Variants in GABRR2 observed in about 807,000 individuals in gnomAD.
GABRR2 encodes gamma-aminobutyric acid receptor subunit rho-2.
Under a neutral mutation model 47.0 loss-of-function variants are expected in GABRR2, and 36 were observed. That is an observed-to-expected ratio of 0.77 (90% CI 0.59 to 1.01). GABRR2 has a LOEUF of 1.01. GABRR2 is among the 50% of genes least tolerant of loss of function. The pLI is 0.00. For missense variants in GABRR2, 587 were observed against 594.6 expected (o/e 0.99, Z 0.13); for synonymous variants, 204 against 227.5 (o/e 0.90, Z 0.93).
intron 2 of GABRR2, among the ~76,000 whole-genome samples, chr6:89,296,038 T>G (rs1774547276): frequency 1.3e-5 from 2 of 152,226 alleles, no homozygotes; most frequent in African/African-American, 4.8e-5. Context: ...GCCCAGGCTC[T>G]ACTTCTAACT....
At chr6:89,289,045 A>G (rs1000136585) in intron 2 of GABRR2, among the ~76,000 whole-genome samples, 1 of 152,252 alleles carries the variant, frequency 6.6e-6, no homozygotes, top group Non-Finnish European at 1.5e-5. Context: ...TACTGAGTTC[A>G]AAACAGCCGA....
At chr6:89,281,536 TC>T (rs1774254872) in intron 2 of GABRR2, among the ~76,000 whole-genome samples, 1 of 151,882 alleles carries the variant, frequency 6.6e-6, no homozygotes, top group Admixed American at 6.6e-5. Flanking sequence ...AGTAGATCAT[TC>T]CCCCACACTT....
intron 1 of GABRR2, chr6:89,301,808 C>A: frequency 1.1e-6 from 1 of 893,474 alleles, no homozygotes. Context: ...CACATTCAGG[C>A]CGGCCAGTGC....
Position 89,257,969 on chromosome 6 carries a change from A to C in GABRR2, c.1099T>G (p.Cys367Gly). Residue 367 changes from cysteine to glycine, a missense_variant, in exon 9 of 9, where the codon TGT (cysteine) becomes GGT (glycine). Cys to Gly is a radical substitution (Grantham distance 159). Coordinates refer to ENST00000402938, the MANE Select transcript of GABRR2 (RefSeq NM_002043.5). Reference sequence around the variant, plus strand: ...ATGGTTTTTGAATGAAGCATTCCACACATGCACGGGAACTATGGGCAGCAA... The same window carrying C: ...ATGGTTTTTGAATGAAGCATTCCACCCATGCACGGGAACTATGGGCAGCAA... Reference protein sequence around the residue: ...RKLREKFPCMCGMLHSKTMML... With the variant: ...RKLREKFPCMGGMLHSKTMML... 6.2e-7 allele frequency: 1 copy of C among 1,613,354 alleles called. No homozygotes were observed. The highest frequency in any genetic ancestry group is 2.2e-5 in the East Asian group (1 of 44,882).
intron 1 of GABRR2, chr6:89,301,902 G>C: frequency 9.1e-7 from 1 of 1,099,058 alleles, no homozygotes; most frequent in East Asian, 2.4e-5. Flanking sequence ...TGGGGAACTC[G>C]GACTTGGAGC....
intron 2 of GABRR2, among the ~76,000 whole-genome samples, chr6:89,273,787 G>C (rs893188268): frequency 6.6e-6 from 1 of 152,200 alleles, no homozygotes; most frequent in African/African-American, 2.4e-5. Context: ...AGTCTGAGGT[G>C]TTAAAATGGC....
In GABRR2 at chr6:89,315,139, C is replaced by T. The variant is rs758101027; in HGVS notation, c.27G>A (p.Leu9=). The T allele has an allele frequency of 3.7e-6, 6 of 1,613,874 alleles. No homozygotes were observed. Among genetic ancestry groups the T allele is most frequent in the Non-Finnish European group, 4.2e-6 (5 of 1,179,846 alleles). MPYFTRLI[L]FLFCLMVLVE... is the part of the protein sequence containing the mutation. ...CGAGAACCATCAAGCAAAACAAGAA[C>T]AAAATGAGTCTTGTAAAATAAGGCA... is the stretch of plus-strand genomic sequence containing the variant. Residue 9 remains leucine (L), a synonymous_variant, in exon 1 of 9, where the codon TTG becomes TTA. Coordinates refer to ENST00000402938, the MANE Select transcript of GABRR2 (RefSeq NM_002043.5).
At chr6:89,270,196 C>T (rs961568398) in intron 3 of GABRR2, among the ~76,000 whole-genome samples, 3 of 152,214 alleles carry the variant, frequency 2.0e-5, no homozygotes, top group Non-Finnish European at 4.4e-5. Context: ...AGCCAAATGC[C>T]CCTTCTGGCT....
chr6:89,267,816 G>C lies in GABRR2; in HGVS notation c.599C>G (p.Ala200Gly). Residue 200 changes from alanine to glycine, a missense_variant, in exon 6 of 9, where the codon GCC becomes GGC. Coordinates refer to ENST00000402938, the MANE Select transcript of GABRR2 (RefSeq NM_002043.5). ...QTCSLELESY[A>G]YTDEDLMLYW... ...CAGCATTAGATCTTCATCTGTATAGGCATCTTTGGGAAGAGGAAAACAAGT... is the reference window on the plus strand; with the variant it reads ...CAGCATTAGATCTTCATCTGTATAGCCATCTTTGGGAAGAGGAAAACAAGT... The C allele has an allele frequency of 6.2e-7, 1 of 1,610,204 alleles. No individual in the cohort carries two copies. Among genetic ancestry groups the C allele is most frequent in the Non-Finnish European group, 8.5e-7 (1 of 1,178,090 alleles).
At chr6:89,285,475 G>A (rs1774318575) in intron 2 of GABRR2, among the ~76,000 whole-genome samples, 1 of 152,170 alleles carries the variant, frequency 6.6e-6, no homozygotes, top group Admixed American at 6.5e-5. Flanking sequence ...GTGAGCATGC[G>A]ATTGCGGGTG....
intron 1 of GABRR2, among the ~76,000 whole-genome samples, chr6:89,307,017 T>C (rs986282567): frequency 2.6e-5 from 4 of 152,230 alleles, no homozygotes; most frequent in Non-Finnish European, 5.9e-5. Flanking sequence ...CTCTGTCCAT[T>C]GCACTTAGCA....
At chr6:89,309,767 T>G (rs921300594) in intron 1 of GABRR2, among the ~76,000 whole-genome samples, 2 of 151,116 alleles carry the variant, frequency 1.3e-5, no homozygotes, top group African/African-American at 4.9e-5. Context: ...CACCCATGCT[T>G]CTTCTTCTTC....
At chr6:89,295,633 T>G (rs1242470407) in intron 2 of GABRR2, among the ~76,000 whole-genome samples, 1 of 152,166 alleles carries the variant, frequency 6.6e-6, no homozygotes, top group Non-Finnish European at 1.5e-5. Flanking sequence ...TTAGTTTAAT[T>G]AGATCCCATT....
Position 89,267,695 on chromosome 6 carries a change from G to C in GABRR2, c.720C>G (p.Ala240=). 1 of 1,613,542 alleles carries C rather than the reference G, an allele frequency of 6.2e-7. No individual in the cohort carries two copies. Among genetic ancestry groups the C allele is most frequent in the South Asian group, 1.1e-5 (1 of 90,954 alleles). The part of the protein sequence containing the change: ...IQKFHTTSRL[A]FYSSTGWYNR... ...GATAGCTACCAGTGCTGCTGTAGAAGGCCAGCCTGGAAGTTGTGTGAAATT... is the reference window on the plus strand; with the variant it reads ...GATAGCTACCAGTGCTGCTGTAGAACGCCAGCCTGGAAGTTGTGTGAAATT... The change falls in exon 6 of 9, where the codon GCC becomes GCG. Residue 240 remains alanine, a synonymous_variant. Transcript: ENST00000402938.
intron 2 of GABRR2, among the ~76,000 whole-genome samples, chr6:89,289,723 AG>A (rs1320906676): frequency 6.6e-6 from 1 of 152,120 alleles, no homozygotes; most frequent in African/African-American, 2.4e-5. Context: ...AAAATCAACA[AG>A]GTCTTTGTCT....
chr6:89,258,006 A>G (rs771179592), intron 8 of GABRR2, 25 bp from the exon 9 acceptor site: 1 of 1,602,198 alleles, frequency 6.2e-7, no homozygotes, highest in Non-Finnish European at 8.5e-7. Flanking sequence ...CACAAAGAAC[A>G]TCATTAAGCC....
At chr6:89,292,829 CG>C (rs1774492294) in intron 2 of GABRR2, among the ~76,000 whole-genome samples, 1 of 19,782 alleles carries the variant, frequency 5.1e-5, no homozygotes. Context: ...TCGTATATAT[CG>C]TATATACGAT....
chr6:89,301,939 G>A (rs904730454), intron 1 of GABRR2: 7 of 985,436 alleles, frequency 7.1e-6, no homozygotes, highest in South Asian at 5.2e-5. Flanking sequence ...CTACTACAAC[G>A]AGGCCTCTTC....
At chr6:89,296,976 G>C (rs1253825748) in intron 2 of GABRR2, among the ~76,000 whole-genome samples, 1 of 152,188 alleles carries the variant, frequency 6.6e-6, no homozygotes, top group Admixed American at 6.5e-5. Flanking sequence ...TGAAGGTACT[G>C]ACCAGGTGAT....
Sources: allele counts gnomAD v4.1 joint callset (sites outside exome capture counted in the v4.1 genomes callset), GRCh38; gene constraint gnomAD v4.1.1; transcripts MANE v1.5; gene names NCBI Gene and HGNC (gene_info 2026-07-23, HGNC 2026-07-21).